Variants in NRXN1 observed in about 807,000 individuals in gnomAD.
NRXN1 encodes neurexin-1.
NRXN1 carries 39 observed loss-of-function variants against 150.9 expected under a neutral mutation model. The ratio of observed to expected loss-of-function variants is 0.26; its 90% CI spans 0.20 to 0.34. The LOEUF is 0.34. Ranked by LOEUF, NRXN1 falls within the 10% of genes least tolerant of loss-of-function variation. The probability of loss-of-function intolerance (pLI) is 1.00; values close to 1 mark genes in which losing one functional copy is unlikely to be tolerated. For synonymous variants in NRXN1, 924 were observed against 757.0 expected, an observed-to-expected ratio of 1.22 and a Z score of -3.62; for missense variants, 1,815 against 1,949.9, an observed-to-expected ratio of 0.93 and a Z score of 1.30.
chr2:50,215,621 T>G (rs1414450455), intron 18 of NRXN1, among the ~76,000 whole-genome samples: 1 of 152,046 alleles, frequency 6.6e-6, no homozygotes, highest in African/African-American at 2.4e-5. Context: ...ATATGCACAG[T>G]AAAAAGAATT....
intron 5 of NRXN1, among the ~76,000 whole-genome samples, chr2:50,805,866 C>T (rs1168251338): frequency 6.6e-6 from 1 of 152,038 alleles, no homozygotes; most frequent in Non-Finnish European, 1.5e-5. Context: ...TTTACAGGGT[C>T]CTTCTACTCT....
At chr2:50,874,974 C>G (rs1447280620) in intron 5 of NRXN1, among the ~76,000 whole-genome samples, 1 of 151,722 alleles carries the variant, frequency 6.6e-6, no homozygotes, top group Non-Finnish European at 1.5e-5. Flanking sequence ...TGTAAAAAAG[C>G]CCCATCAGTT....
intron 17 of NRXN1, among the ~76,000 whole-genome samples, chr2:50,298,972 T>C (rs1038879636): frequency 1.4e-4 from 22 of 152,174 alleles, no homozygotes; most frequent in Admixed American, 1.2e-3. Context: ...CTGTCTTCCA[T>C]AGATACGAAA....
At chr2:50,091,286 C>A (rs1308118335) in intron 19 of NRXN1, 37 bp downstream of exon 19, 1 of 1,612,274 alleles carries the variant, frequency 6.2e-7, no homozygotes. Context: ...GTTTGTTTTT[C>A]ATAAAATCTT....
At chr2:50,631,112 A>G (rs1402264273) in intron 5 of NRXN1, 2 of 446,896 alleles carry the variant, frequency 4.5e-6, no homozygotes, top group Admixed American at 5.4e-5. Flanking sequence ...CTTTCAAGGG[A>G]GAGTAGTTCA....
chr2:50,104,507 A>G (rs1284645126), intron 18 of NRXN1, among the ~76,000 whole-genome samples: 1 of 152,048 alleles, frequency 6.6e-6, no homozygotes, highest in Non-Finnish European at 1.5e-5. Flanking sequence ...GAGCTCTGAA[A>G]TGAGTGTGGA....
chr2:51,028,433 C>T lies in NRXN1; in HGVS notation c.-160G>A, dbSNP rs199671790. The T allele has an allele frequency of 6.4e-6, 3 of 468,160 alleles. No homozygotes were observed. Among genetic ancestry groups the T allele is most frequent in the African/African-American group, 4.0e-5 (2 of 49,784 alleles). The allele number at this position is 468,160 out of a possible 1,614,324, so 29.0% of individuals were successfully genotyped here. A position where few individuals can be genotyped will look rare whatever the true frequency, so the allele number is the denominator to read the frequency against. ...TCCTTTATCTAGTTCTTTTTTTCTT[C>T]TTCTTCTTCCAATAACCCCGCCCTC... On this transcript the variant is annotated 5_prime_UTR_variant, in exon 2 of 23. Coordinates refer to ENST00000401669, the MANE Select transcript of NRXN1 (RefSeq NM_001330078.2).
intron 17 of NRXN1, among the ~76,000 whole-genome samples, chr2:50,433,963 T>C (rs1339091350): frequency 1.3e-5 from 2 of 151,872 alleles, no homozygotes; most frequent in African/African-American, 4.8e-5. Context: ...CTGACAATAT[T>C]TATGTTTCAC....
At chr2:50,579,427 GAGGC>G (rs968258947) in intron 8 of NRXN1, among the ~76,000 whole-genome samples, 15 of 152,180 alleles carry the variant, frequency 9.9e-5, no homozygotes, top group Non-Finnish European at 1.3e-4. Context: ...TCGGAAGGCC[GAGGC>G]AGGAGGATTG....
At chr2:50,786,251 A>T (rs1705097674) in intron 5 of NRXN1, among the ~76,000 whole-genome samples, 1 of 152,146 alleles carries the variant, frequency 6.6e-6, no homozygotes, top group Admixed American at 6.6e-5. Flanking sequence ...GTACGACAGG[A>T]AGTGTGGCAT....
intron 2 of NRXN1, among the ~76,000 whole-genome samples, chr2:50,969,781 G>A (rs1694723237): frequency 6.6e-6 from 1 of 152,038 alleles, no homozygotes; most frequent in Admixed American, 6.6e-5. Flanking sequence ...ACCTCAGAAG[G>A]TTTGCTGAAA....
rs542181749 is a variant in NRXN1, at chr2:50,727,391, T to A, written c.833-103776A>T. On this transcript the variant is annotated intron_variant, in intron 5 of 22. Coordinates refer to ENST00000401669, the MANE Select transcript of NRXN1 (RefSeq NM_001330078.2). ...TAGTATTCAATAAATGCTTCAATTA[T>A]GAAATATGGAAACAAGCTCCTGCTA... Among the ~76,000 whole-genome samples the A allele has an allele frequency of 2.6e-5, 4 of 152,166 alleles. No individual in the cohort carries two copies. In the South Asian group the frequency reaches 8.3e-4, roughly 31 times the overall value.
intron 5 of NRXN1, among the ~76,000 whole-genome samples, chr2:50,655,498 G>C (rs769525952): frequency 1.3e-5 from 2 of 151,938 alleles, no homozygotes; most frequent in East Asian, 3.9e-4. Flanking sequence ...TGCTGTGCTT[G>C]TTTGAATGTA....
intron 5 of NRXN1, among the ~76,000 whole-genome samples, chr2:50,790,779 T>C (rs1238457187): frequency 4.6e-5 from 7 of 152,150 alleles, no homozygotes; most frequent in South Asian, 4.1e-4. Flanking sequence ...AGAAAAGATA[T>C]ATCACAAATG....
intron 17 of NRXN1, among the ~76,000 whole-genome samples, chr2:50,345,049 G>C (rs2077845949): frequency 6.6e-6 from 1 of 152,200 alleles, no homozygotes; most frequent in Non-Finnish European, 1.5e-5. Flanking sequence ...CTGTGGGCTT[G>C]TGGTGAGATC....
chr2:50,055,857 C>T lies in NRXN1; in HGVS notation c.3719-813G>A, dbSNP rs146725584. On this transcript the variant is annotated intron_variant, in intron 19 of 22. Coordinates refer to ENST00000401669, the MANE Select transcript of NRXN1 (RefSeq NM_001330078.2). ...TTTAAAAGCATGACAGCTTAAGGAA[C>T]GAATATAAGCCACAAACAGTGGCCC... Among the ~76,000 whole-genome samples, 275 of 152,064 alleles carry T rather than the reference C, an allele frequency of 1.8e-3. 1 individual carries two copies. Among genetic ancestry groups the T allele is most frequent in the African/African-American group, 6.2e-3 (256 of 41,402 alleles).
chr2:51,007,807 A>C (rs1667258495), intron 2 of NRXN1, among the ~76,000 whole-genome samples: 1 of 151,948 alleles, frequency 6.6e-6, no homozygotes, highest in Non-Finnish European at 1.5e-5. Context: ...ATTATCTGGA[A>C]TATTCCCTTC....
At chr2:51,007,250 A>C (rs1459908132) in intron 2 of NRXN1, among the ~76,000 whole-genome samples, 2 of 151,910 alleles carry the variant, frequency 1.3e-5, no homozygotes, top group Admixed American at 1.3e-4. Context: ...TTTCTGAACC[A>C]TTTCTGAAAT....
At chr2:50,456,663 C>T (rs1199664516) in intron 17 of NRXN1, among the ~76,000 whole-genome samples, 1 of 151,880 alleles carries the variant, frequency 6.6e-6, no homozygotes, top group Non-Finnish European at 1.5e-5. Context: ...TTATCTTGAC[C>T]TTTTTTCTGG....
Sources: gnomAD v4.1 joint callset for allele counts (sites outside exome capture counted in the v4.1 genomes callset) on GRCh38, gnomAD v4.1.1 for gene constraint, MANE v1.5 for transcripts, NCBI Gene and HGNC (gene_info 2026-07-23, HGNC 2026-07-21) for gene names.